Variants in ADGRD1 observed in about 807,000 individuals in gnomAD.
ADGRD1 encodes the protein adhesion G protein-coupled receptor D1.
ADGRD1 carries 77 observed loss-of-function variants against 113.4 expected under a neutral mutation model. That is an observed-to-expected ratio of 0.68 (90% confidence interval 0.57 to 0.82). The LOEUF (loss-of-function observed/expected upper bound fraction) is 0.82, where lower values mean the gene tolerates loss of function less well. ADGRD1 is among the 40% of genes least tolerant of loss of function. The pLI, the probability that ADGRD1 is intolerant of heterozygous loss-of-function variation, is 0.00. For missense variants in ADGRD1, 1,036 were observed against 1,139.1 expected, an observed-to-expected ratio of 0.91 and a Z score of 1.30; for synonymous variants, 474 against 475.0, an observed-to-expected ratio of 1.00 and a Z score of 0.03.
chr12:131,068,186 G>A (rs1364697761), intron 13 of ADGRD1, among the ~76,000 whole-genome samples: 1 of 152,336 alleles, frequency 6.6e-6, no homozygotes, highest in South Asian at 2.1e-4. Context: ...TCCCGGACAG[G>A]CAGAGGTCTG....
At chr12:131,015,815 C>T (rs756542549) in intron 13 of ADGRD1, among the ~76,000 whole-genome samples, 2 of 152,172 alleles carry the variant, frequency 1.3e-5, no homozygotes, top group Admixed American at 6.5e-5. Flanking sequence ...CAGCAGCCTC[C>T]GCGTGTTCTG....
intron 4 of ADGRD1, among the ~76,000 whole-genome samples, chr12:130,980,318 A>T (rs935486412): frequency 6.6e-6 from 1 of 151,268 alleles, no homozygotes; most frequent in African/African-American, 2.4e-5. Flanking sequence ...GTTAGTAAAG[A>T]TGGTCTCGAT....
intron 13 of ADGRD1, among the ~76,000 whole-genome samples, chr12:131,073,618 T>C (rs745834410): frequency 1.2e-4 from 19 of 152,232 alleles, no homozygotes; most frequent in African/African-American, 4.8e-5. Context: ...GTTGTTATAA[T>C]AGAATATCTG....
At chr12:131,039,630 CTTTGCCGTTT>C (rs1881909151) in intron 13 of ADGRD1, among the ~76,000 whole-genome samples, 1 of 152,176 alleles carries the variant, frequency 6.6e-6, no homozygotes, top group African/African-American at 2.4e-5. Context: ...TCTCTGAGTG[CTTTGCCGTTT>C]CAAACATGGG....
chr12:131,000,412 TCTA>T lies in ADGRD1; in HGVS notation c.999_1001del (p.Leu334del). 1 of 1,613,104 alleles carries T rather than the reference TCTA, an allele frequency of 6.2e-7. No homozygotes were observed. The highest frequency in any genetic ancestry group is 1.1e-5 in the South Asian group (1 of 91,034). On this transcript the variant is annotated inframe_deletion, in exon 9 of 25. Coordinates refer to ENST00000261654, the MANE Select transcript of ADGRD1 (RefSeq NM_198827.5). ...TCTTAAAAGCCGTGGGAGAGATCCT[TCTA>T]CTGCCTGGTTGGATTGCTCTGTCAG... is the stretch of plus-strand genomic sequence containing the variant.
At chr12:130,998,572 C>T (rs976702355) in intron 8 of ADGRD1, among the ~76,000 whole-genome samples, 5 of 152,130 alleles carry the variant, frequency 3.3e-5, no homozygotes, top group Admixed American at 1.3e-4. Context: ...TCAAGCGATT[C>T]TCCTGCCTCA....
intron 18 of ADGRD1, among the ~76,000 whole-genome samples, chr12:131,110,887 A>G (rs1398914808): frequency 2.6e-5 from 4 of 152,194 alleles, no homozygotes; most frequent in Non-Finnish European, 5.9e-5. Context: ...TAGTTTTTCT[A>G]GATATAAGAT....
At chr12:130,974,179 A>C (rs1872035787) in intron 4 of ADGRD1, among the ~76,000 whole-genome samples, 2 of 152,044 alleles carry the variant, frequency 1.3e-5, no homozygotes, top group Middle Eastern at 3.2e-3. Flanking sequence ...GGCCCTGATG[A>C]GCTTGTACTT....
At chr12:131,137,641 C>G (rs1951125242) in intron 23 of ADGRD1, 1 of 218,286 alleles carries the variant, frequency 4.6e-6, no homozygotes, top group African/African-American at 2.3e-5. Flanking sequence ...TTTGCAAGGA[C>G]AGGCCAGGTG....
chr12:131,085,256 G>C (rs1026082163), intron 15 of ADGRD1, among the ~76,000 whole-genome samples: 7 of 152,204 alleles, frequency 4.6e-5, no homozygotes, highest in Admixed American at 1.3e-4. Context: ...GAGGAGAGGT[G>C]TCTCCGGGAT....
intron 15 of ADGRD1, among the ~76,000 whole-genome samples, chr12:131,090,091 G>T (rs1412934176): frequency 1.3e-5 from 2 of 152,180 alleles, no homozygotes; most frequent in African/African-American, 4.8e-5. Context: ...ACGACTTACG[G>T]TCTCGATCCG....
chr12:131,137,166 T>TG (rs1310179841), intron 23 of ADGRD1, 152 bp downstream of exon 23: 4 of 688,248 alleles, frequency 5.8e-6, no homozygotes, highest in African/African-American at 1.8e-5. Context: ...TTGTGTGCCC[T>TG]GGGGCCTGCT....
intron 13 of ADGRD1, among the ~76,000 whole-genome samples, chr12:131,052,531 A>G (rs1883497651): frequency 6.6e-6 from 1 of 152,190 alleles, no homozygotes; most frequent in South Asian, 2.1e-4. Context: ...GAGGTCTGCA[A>G]CCAGGCATCT....
intron 3 of ADGRD1, chr12:130,968,921 A>G (rs972392463): frequency 2.4e-5 from 24 of 981,376 alleles, no homozygotes; most frequent in Non-Finnish European, 3.3e-5. Flanking sequence ...TGTTGGTCCC[A>G]TTTGTCTTTT....
intron 13 of ADGRD1, among the ~76,000 whole-genome samples, chr12:131,037,386 TCACTCAC>T (rs1208539735): frequency 1.0e-3 from 143 of 142,904 alleles, no homozygotes; most frequent in South Asian, 1.9e-3. Flanking sequence ...CACTGGGGTC[TCACTCAC>T]TACACCAGGT....
intron 20 of ADGRD1, among the ~76,000 whole-genome samples, chr12:131,128,391 G>A (rs936182282): frequency 4.6e-5 from 7 of 152,088 alleles, no homozygotes; most frequent in South Asian, 2.1e-4. Flanking sequence ...CAGGCTTCAC[G>A]GTTTCTCCAT....
Position 131,041,091 on chromosome 12 carries a change from C to T in ADGRD1, c.1473+26751C>T, listed in dbSNP as rs1355655975. ...CTGTGGTGATGATGCCACCATTTCT[C>T]TGATGCCCTCACTTGTCCTGGGGTG... is the stretch of plus-strand genomic sequence containing the variant. On this transcript the variant is annotated intron_variant, in intron 13 of 24. Coordinates refer to ENST00000261654, the MANE Select transcript of ADGRD1 (RefSeq NM_198827.5). The surrounding 1 kb of genome is among the most constrained non-coding windows in gnomAD (Gnocchi z 4.4). 6.6e-6 allele frequency among the ~76,000 whole-genome samples: 1 copy of T among 152,172 alleles called. No individual in the cohort carries two copies. The highest frequency in any genetic ancestry group is 2.4e-5 in the African/African-American group (1 of 41,442).
chr12:131,082,349 A>G (rs1477788686), intron 14 of ADGRD1, among the ~76,000 whole-genome samples: 1 of 152,148 alleles, frequency 6.6e-6, no homozygotes, highest in Non-Finnish European at 1.5e-5. Context: ...AGATTTATTT[A>G]TGCACAAGCT....
intron 21 of ADGRD1, among the ~76,000 whole-genome samples, chr12:131,133,257 TCC>T (rs1950983539): frequency 6.6e-6 from 1 of 151,858 alleles, no homozygotes; most frequent in African/African-American, 2.4e-5. Flanking sequence ...AAGCTCACAA[TCC>T]CCTGTCTGAG....
Sources: allele counts gnomAD v4.1 joint callset (sites outside exome capture counted in the v4.1 genomes callset), GRCh38; gene constraint gnomAD v4.1.1; non-coding constraint Gnocchi (gnomAD v3.1); transcripts MANE v1.5; gene names NCBI Gene and HGNC (gene_info 2026-07-23, HGNC 2026-07-21).